Variants in FRYL observed in about 807,000 individuals in gnomAD.
FRYL encodes the protein protein furry homolog-like.
A neutral mutation model predicts 351.2 loss-of-function variants in FRYL; 150 were observed. The ratio of observed to expected loss-of-function variants is 0.43; its 90% confidence interval spans 0.37 to 0.49. The LOEUF is 0.49. FRYL is among the 20% of genes least tolerant of loss of function. The pLI, the probability that FRYL is intolerant of heterozygous loss-of-function variation, is 0.00. For synonymous variants in FRYL, 1,153 were observed against 1,257.1 expected (o/e 0.92, Z 1.75); for missense variants, 3,036 against 3,619.3 (o/e 0.84, Z 4.13).
At chr4:48,617,634 T>A (rs1231170250) in intron 7 of FRYL, 3 of 151,940 alleles carry the variant, frequency 2.0e-5, no homozygotes, top group African/African-American at 7.3e-5. Flanking sequence ...TGGACTGTGT[T>A]AAAAGAGGAG....
chr4:48,575,054 C>T, intron 25 of FRYL, 63 bp downstream of exon 25: 1 of 1,561,994 alleles, frequency 6.4e-7, no homozygotes. Flanking sequence ...AGGACCCTAC[C>T]ACACCTTCTA....
In FRYL at chr4:48,500,145, C is replaced by T. The variant is rs1719220077; in HGVS notation, c.8668G>A (p.Glu2890Lys). ...KEAESASENEEIDISKAAQTT... is the reference protein window; with the variant it reads ...KEAESASENEKIDISKAAQTT... ...TGTGCAGCTTTGGAAATGTCAATTT[C>T]TTCGTTTTCGGAAGCGGACTCAGCT... The change falls in exon 63 of 64, where the codon GAA (glutamate) becomes AAA (lysine). Residue 2890 changes from glutamate (E) to lysine (K), a missense_variant. Around this residue, in one of 7 missense-constraint regions of FRYL, gnomAD observed 1,987 missense variants for 2,311.7 expected, o/e 0.86. Coordinates refer to ENST00000358350, the MANE Select transcript of FRYL (RefSeq NM_015030.2). 6 of 1,605,130 alleles carry T rather than the reference C, an allele frequency of 3.7e-6. No homozygotes were observed. The highest frequency in any genetic ancestry group is 5.1e-6 in the Non-Finnish European group (6 of 1,178,224).
At chr4:48,660,294 G>C (rs1760431769) in intron 3 of FRYL, among the ~76,000 whole-genome samples, 1 of 152,150 alleles carries the variant, frequency 6.6e-6, no homozygotes, top group Non-Finnish European at 1.5e-5. Flanking sequence ...CATTGTATGG[G>C]AAAGGAGTTA....
At chr4:48,704,971 A>T (rs1184525164) in intron 2 of FRYL, among the ~76,000 whole-genome samples, 1 of 149,720 alleles carries the variant, frequency 6.7e-6, no homozygotes, top group East Asian at 2.0e-4. Context: ...AAAAAAAAAA[A>T]TTAGCCAGGC....
chr4:48,729,835 AT>A (rs1275306260), intron 1 of FRYL, among the ~76,000 whole-genome samples: 5 of 152,228 alleles, frequency 3.3e-5, no homozygotes, highest in Non-Finnish European at 7.3e-5. Flanking sequence ...GCCTCTTCTC[AT>A]CCAAAGGAAC....
chr4:48,501,025 G>A (rs762466573), intron 62 of FRYL, among the ~76,000 whole-genome samples: 4 of 144,336 alleles, frequency 2.8e-5, no homozygotes, highest in Non-Finnish European at 6.0e-5. Flanking sequence ...GGTGGAAGTT[G>A]CAGTGAGTTG....
intron 3 of FRYL, among the ~76,000 whole-genome samples, chr4:48,647,961 G>C (rs1258760714): frequency 6.6e-6 from 1 of 152,102 alleles, no homozygotes; most frequent in Non-Finnish European, 1.5e-5. Flanking sequence ...TACAAAATTA[G>C]TTGTGCAAAC....
intron 2 of FRYL, among the ~76,000 whole-genome samples, chr4:48,699,922 A>C (rs1420696799): frequency 6.6e-6 from 1 of 152,204 alleles, no homozygotes; most frequent in Non-Finnish European, 1.5e-5. Flanking sequence ...ATTAAGCTAG[A>C]TATTAATGTT....
intron 3 of FRYL, among the ~76,000 whole-genome samples, chr4:48,648,691 A>T (rs1238631393): frequency 6.6e-6 from 1 of 152,218 alleles, no homozygotes; most frequent in Non-Finnish European, 1.5e-5. Flanking sequence ...TATCCATCCA[A>T]TGGAACATTA....
intron 1 of FRYL, among the ~76,000 whole-genome samples, chr4:48,711,791 C>A (rs113983152): frequency 0.16 from 24,336 of 152,088 alleles, 2,600 homozygotes; most frequent in Middle Eastern, 0.27. Flanking sequence ...CCTGACCCCC[C>A]GAGCAGTCTA....
chr4:48,552,183 G>A (rs1255876847), intron 36 of FRYL, among the ~76,000 whole-genome samples: 1 of 151,584 alleles, frequency 6.6e-6, no homozygotes, highest in East Asian at 1.9e-4. Context: ...TACCCCACTG[G>A]GCTTCCAGAA....
At chr4:48,620,893 T>A in intron 5 of FRYL, 115 bp from the exon 6 acceptor site, 1 of 929,926 alleles carries the variant, frequency 1.1e-6, no homozygotes, top group Non-Finnish European at 1.6e-6. Context: ...ATGCAATAAA[T>A]GTGCTTTAAA....
intron 1 of FRYL, among the ~76,000 whole-genome samples, chr4:48,764,369 A>T (rs1283290824): frequency 6.6e-6 from 1 of 151,832 alleles, no homozygotes; most frequent in Non-Finnish European, 1.5e-5. Flanking sequence ...GTCTCTACAA[A>T]AAAATCAAAA....
chr4:48,556,854 T>C, intron 35 of FRYL, 124 bp downstream of exon 35: 1 of 713,082 alleles, frequency 1.4e-6, no homozygotes, highest in Non-Finnish European at 2.2e-6. Context: ...ATTTCCTGAC[T>C]GTCTTCATCC....
At chr4:48,758,735 A>G (rs1384028968) in intron 1 of FRYL, among the ~76,000 whole-genome samples, 3 of 152,262 alleles carry the variant, frequency 2.0e-5, no homozygotes, top group African/African-American at 7.2e-5. Context: ...TACTGGGTAT[A>G]TACCCAAAGG....
At chr4:48,722,363 C>T (rs1482248626) in intron 1 of FRYL, among the ~76,000 whole-genome samples, 1 of 152,234 alleles carries the variant, frequency 6.6e-6, no homozygotes, top group African/African-American at 2.4e-5. Flanking sequence ...TGCATTGCTA[C>T]ATTTTCTGTT....
chr4:48,597,840 G>A (rs1311125409), intron 13 of FRYL, among the ~76,000 whole-genome samples: 1 of 152,080 alleles, frequency 6.6e-6, no homozygotes, highest in Non-Finnish European at 1.5e-5. Flanking sequence ...AAAAGGCAAG[G>A]TGAGAAGTGA....
intron 2 of FRYL, among the ~76,000 whole-genome samples, chr4:48,706,667 A>T (rs1767389000): frequency 6.6e-6 from 1 of 152,106 alleles, no homozygotes; most frequent in East Asian, 1.9e-4. Flanking sequence ...TAGCACAATA[A>T]TTTTTTTAAA....
At chr4:48,534,499 C>G (rs1383842607) in intron 49 of FRYL, 46 bp downstream of exon 49, 1 of 1,443,632 alleles carries the variant, frequency 6.9e-7, no homozygotes, top group South Asian at 1.2e-5. Context: ...GATTATAAAT[C>G]ATTTTTAGAT....
Sources: allele counts gnomAD v4.1 joint callset (sites outside exome capture counted in the v4.1 genomes callset), GRCh38; gene constraint gnomAD v4.1.1; regional missense constraint gnomAD v4.1.1; transcripts MANE v1.5; gene names NCBI Gene and HGNC (gene_info 2026-07-23, HGNC 2026-07-21).